Variants in RANBP2 observed in about 807,000 individuals in gnomAD.
RANBP2 encodes the protein E3 SUMO-protein ligase RanBP2.
RANBP2 carries 57 observed loss-of-function variants against 303.6 expected under a neutral mutation model. The observed-to-expected ratio is 0.19, with a 90% confidence interval of 0.15 to 0.23. The LOEUF (loss-of-function observed/expected upper bound fraction) is 0.23. Ranked by LOEUF, RANBP2 falls within the 10% of genes least tolerant of loss-of-function variation. The pLI, the probability that RANBP2 is intolerant of heterozygous loss-of-function variation, is 1.00. For missense variants in RANBP2, 3,138 were observed against 3,780.8 expected (o/e 0.83, Z 4.46); for synonymous variants, 1,167 against 1,301.5 (o/e 0.90, Z 2.23).
the RANBP2 span, among the ~76,000 whole-genome samples, chr2:108,840,376 A>C: frequency 1.3e-5 from 2 of 152,154 alleles, no homozygotes; most frequent in Non-Finnish European, 2.9e-5. Flanking sequence ...CTTATCCTTT[A>C]TATTTTCTGG....
the RANBP2 span, among the ~76,000 whole-genome samples, chr2:109,531,516 T>C: frequency 6.6e-6 from 1 of 152,346 alleles, no homozygotes; most frequent in Admixed American, 6.5e-5. Context: ...CATCTGTCTC[T>C]TGGATATGCA....
the RANBP2 span, among the ~76,000 whole-genome samples, chr2:109,292,015 C>T: frequency 6.6e-6 from 1 of 152,160 alleles, no homozygotes; most frequent in South Asian, 2.1e-4. Flanking sequence ...AGGCGCACGC[C>T]ACCACGCCCA....
chr2:108,735,279 A>C (rs1227433184), intron 4 of RANBP2, among the ~76,000 whole-genome samples: 4 of 152,174 alleles, frequency 2.6e-5, no homozygotes, highest in Non-Finnish European at 5.9e-5. Flanking sequence ...GTGTGGCATT[A>C]GTCCTGGTAG....
the RANBP2 span, among the ~76,000 whole-genome samples, chr2:109,689,454 T>C: frequency 6.6e-6 from 1 of 151,816 alleles, no homozygotes; most frequent in African/African-American, 2.4e-5. Context: ...AATAACAGGG[T>C]TGAATGTACA....
the RANBP2 span, among the ~76,000 whole-genome samples, chr2:109,316,977 A>G: frequency 6.6e-6 from 1 of 151,726 alleles, no homozygotes; most frequent in African/African-American, 2.4e-5. Context: ...TCATGGCTTC[A>G]TAGTTGATTT....
the RANBP2 span, chr2:109,615,492 G>A: frequency 3.7e-6 from 6 of 1,613,562 alleles, no homozygotes; most frequent in Non-Finnish European, 5.1e-6. Context: ...GGTGAACATC[G>A]ACGCCAGGAC....
chr2:109,044,796 T>C, the RANBP2 span, among the ~76,000 whole-genome samples: 3 of 152,156 alleles, frequency 2.0e-5, no homozygotes, highest in South Asian at 4.1e-4. Context: ...TGTTGGGGCA[T>C]TTTTAGTGCA....
the RANBP2 span, among the ~76,000 whole-genome samples, chr2:109,236,191 T>C: frequency 3.3e-5 from 5 of 152,246 alleles, no homozygotes; most frequent in Non-Finnish European, 7.3e-5. Flanking sequence ...GAAAACTTTC[T>C]GGAAGTGAAA....
chr2:109,035,827 AT>A, the RANBP2 span, among the ~76,000 whole-genome samples: 3 of 152,208 alleles, frequency 2.0e-5, no homozygotes, highest in Non-Finnish European at 4.4e-5. Context: ...CACAAAAAAA[AT>A]AATTAAACTT....
chr2:108,965,877 C>A, the RANBP2 span, among the ~76,000 whole-genome samples: 1 of 152,064 alleles, frequency 6.6e-6, no homozygotes, highest in Non-Finnish European at 1.5e-5. Flanking sequence ...TTCTGTGCTC[C>A]CCCCTCTCCC....
At chr2:108,792,749 A>G in the RANBP2 span, among the ~76,000 whole-genome samples, 13 of 152,220 alleles carry the variant, frequency 8.5e-5, no homozygotes, top group Non-Finnish European at 1.6e-4. Context: ...TGGGGCTTCC[A>G]TGAGTCTAGT....
the RANBP2 span, among the ~76,000 whole-genome samples, chr2:109,394,783 C>T: frequency 2.0e-5 from 3 of 152,004 alleles, no homozygotes; most frequent in Admixed American, 6.5e-5. Flanking sequence ...ACCCTCAGGC[C>T]GAATCCACAC....
the RANBP2 span, among the ~76,000 whole-genome samples, chr2:109,498,000 CCCTCG>C: frequency 3.9e-5 from 6 of 152,170 alleles, no homozygotes; most frequent in Admixed American, 3.9e-4. Flanking sequence ...ATCCTGTGGG[CCCTCG>C]CAGCCTCAGT....
the RANBP2 span, among the ~76,000 whole-genome samples, chr2:109,267,237 A>C: frequency 6.6e-6 from 1 of 152,094 alleles, no homozygotes; most frequent in Non-Finnish European, 1.5e-5. Flanking sequence ...TAGGAAGTGC[A>C]TGTAAAGGCA....
At chr2:108,987,771 G>GACTGTCATC in the RANBP2 span, among the ~76,000 whole-genome samples, 1 of 152,182 alleles carries the variant, frequency 6.6e-6, no homozygotes, top group South Asian at 2.1e-4. Flanking sequence ...GGTACACGTG[G>GACTGTCATC]ACTGTCATCG....
the RANBP2 span, among the ~76,000 whole-genome samples, chr2:108,804,259 A>G: frequency 3.4e-4 from 52 of 152,334 alleles, 2 homozygotes; most frequent in South Asian, 7.2e-3. Flanking sequence ...AAGTATTCAC[A>G]TTTAAAATCT....
chr2:109,585,072 G>A, the RANBP2 span: 16 of 1,120,046 alleles, frequency 1.4e-5, no homozygotes, highest in Non-Finnish European at 2.0e-5. Flanking sequence ...GGGCTATAAG[G>A]CGAATGTCTT....
the RANBP2 span, chr2:109,449,403 G>A: frequency 6.2e-7 from 1 of 1,613,456 alleles, no homozygotes. Context: ...CCTCAACGGG[G>A]AGGCTGGAGG....
At chr2:109,275,303 A>G in the RANBP2 span, among the ~76,000 whole-genome samples, 2 of 152,160 alleles carry the variant, frequency 1.3e-5, no homozygotes, top group Non-Finnish European at 2.9e-5. Context: ...CTAGAGGCAC[A>G]CCAGGGGAAA....
Sources: gnomAD v4.1 joint callset for allele counts (sites outside exome capture counted in the v4.1 genomes callset) on GRCh38, gnomAD v4.1.1 for gene constraint, MANE v1.5 for transcripts, NCBI Gene and HGNC (gene_info 2026-07-23, HGNC 2026-07-21) for gene names.